STK26: variants seen among roughly 807,000 people sequenced by gnomAD.
STK26 encodes serine/threonine-protein kinase 26.
Under a neutral mutation model 34.7 loss-of-function variants are expected in STK26, and 14 were observed. The observed-to-expected ratio is 0.40, with a 90% CI of 0.27 to 0.63. STK26 has a LOEUF of 0.63. Among genes scored for constraint, STK26 ranks in the 30% least tolerant of loss-of-function variants. STK26 has a pLI of 0.38. For synonymous variants in STK26, 100 were observed against 109.8 expected (o/e 0.91, Z 0.56); for missense variants, 226 against 309.1 (o/e 0.73, Z 2.02).
At chrX:132,068,617 A>G in intron 6 of STK26, 48 bp downstream of exon 6, 1 of 1,117,075 alleles carries the variant, frequency 9.0e-7, no homozygotes, top group Non-Finnish European at 1.2e-6. Flanking sequence ...AATAAATTAT[A>G]TATGGCACAC....
chrX:132,042,651 A>G (rs777769802), intron 2 of STK26, among the ~76,000 whole-genome samples: 7 of 111,850 alleles, frequency 6.3e-5, no homozygotes, highest in Non-Finnish European at 1.1e-4. Context: ...CCTTGCACAC[A>G]TATACACACA....
At chrX:132,046,641 A>T (rs1173278970) in intron 2 of STK26, among the ~76,000 whole-genome samples, 1 of 112,042 alleles carries the variant, frequency 8.9e-6, no homozygotes, top group Non-Finnish European at 1.9e-5. Context: ...AGTATGAAAT[A>T]ATACTGTGTG....
intron 6 of STK26, 50 bp downstream of exon 6, chrX:132,068,619 A>G (rs1316885004): frequency 1.8e-6 from 2 of 1,100,513 alleles, no homozygotes; most frequent in Non-Finnish European, 1.2e-6. Context: ...TAAATTATAT[A>G]TGGCACACTA....
intron 4 of STK26, among the ~76,000 whole-genome samples, chrX:132,063,702 A>G (rs1927131822): frequency 8.9e-6 from 1 of 112,296 alleles, no homozygotes; most frequent in Non-Finnish European, 1.9e-5. Flanking sequence ...AGACTATATA[A>G]GAAATGCAAA....
intron 2 of STK26, among the ~76,000 whole-genome samples, chrX:132,029,599 ACTTT>A (rs1262963151): frequency 9.0e-6 from 1 of 110,539 alleles, no homozygotes; most frequent in Non-Finnish European, 1.9e-5. Context: ...AGCTTTCCAT[ACTTT>A]CTGTTATATG....
intron 7 of STK26, 88 bp downstream of exon 7, chrX:132,069,751 A>C (rs1486392029): frequency 1.7e-5 from 10 of 578,770 alleles, no homozygotes; most frequent in Non-Finnish European, 2.1e-5. Context: ...TAGGGAATAC[A>C]GTGTATGTGA....
chrX:132,053,787 T>A (rs1926765415), intron 2 of STK26, among the ~76,000 whole-genome samples: 1 of 112,043 alleles, frequency 8.9e-6, no homozygotes, highest in Admixed American at 9.5e-5. Flanking sequence ...TTTAAGTAAG[T>A]ATATAAAGTT....
At chrX:132,055,328 GTACT>G in intron 3 of STK26, 4 of 615,647 alleles carry the variant, frequency 6.5e-6, no homozygotes, top group Non-Finnish European at 9.9e-6. Context: ...ACCAGTCCTG[GTACT>G]TACATTCCTT....
chrX:132,027,958 C>T (rs1055123449), intron 2 of STK26, among the ~76,000 whole-genome samples: 53 of 108,206 alleles, frequency 4.9e-4, no homozygotes, highest in African/African-American at 1.7e-3. Context: ...TGGGTTCAAG[C>T]AATCCACCCA....
chrX:132,028,318 G>T (rs1488995709), intron 2 of STK26, among the ~76,000 whole-genome samples: 2 of 111,301 alleles, frequency 1.8e-5, no homozygotes, highest in Non-Finnish European at 3.8e-5. Context: ...TAAAGACTGT[G>T]GTGTTTAATA....
Position 132,069,638 on chromosome X carries a change from C to T in STK26, c.758C>T (p.Ala253Val). 8.8e-7 allele frequency: 1 copy of T among 1,136,919 alleles called. No individual in the cohort carries two copies. The highest frequency in any genetic ancestry group is 2.3e-5 in the South Asian group (1 of 44,272). 93.7% of individuals were successfully genotyped at this position (1,136,919 alleles called of 1,213,427 possible). A position where few individuals can be genotyped will look rare whatever the true frequency, so the allele number is the denominator to read the frequency against. ...AAGTCTTTTAAGGAGTTTATTGATGCTTGCCTGAACAAAGATCCATCATTT... is the reference window on the plus strand; with the variant it reads ...AAGTCTTTTAAGGAGTTTATTGATGTTTGCCTGAACAAAGATCCATCATTT... ...FTKSFKEFIDACLNKDPSFRP... is the reference protein window; with the variant it reads ...FTKSFKEFIDVCLNKDPSFRP... Residue 253 changes from alanine to valine, a missense_variant, in exon 7 of 12, where the codon GCT becomes GTT. Ala to Val is a moderately conservative substitution (Grantham distance 64, BLOSUM62 0). Transcript: ENST00000394334.
chrX:132,027,648 C>T (rs918532867), intron 2 of STK26, among the ~76,000 whole-genome samples: 12 of 111,080 alleles, frequency 1.1e-4, no homozygotes, highest in Non-Finnish European at 1.5e-4. Context: ...ATGATAAGGT[C>T]GGAAAACTGG....
At chrX:132,050,077 G>A (rs1166590708) in intron 2 of STK26, among the ~76,000 whole-genome samples, 2 of 110,907 alleles carry the variant, frequency 1.8e-5, no homozygotes, top group Non-Finnish European at 3.8e-5. Flanking sequence ...CTTTACCTTG[G>A]TTCTTTCCCA....
intron 11 of STK26, 139 bp downstream of exon 11, chrX:132,073,232 A>C: frequency 1.5e-6 from 1 of 658,405 alleles, no homozygotes; most frequent in Admixed American, 4.3e-5. Context: ...TGTATACTTA[A>C]AAATAGTTTT....
At chrX:132,044,860 T>G (rs62619091) in intron 2 of STK26, among the ~76,000 whole-genome samples, 1,279 of 77,996 alleles carry the variant, frequency 0.016, 75 homozygotes, top group African/African-American at 0.025. Flanking sequence ...TTTATATATA[T>G]AGAGAGAAAC....
chrX:132,042,091 G>A (rs1926287672), intron 2 of STK26, among the ~76,000 whole-genome samples: 1 of 110,990 alleles, frequency 9.0e-6, no homozygotes, highest in Non-Finnish European at 1.9e-5. Context: ...GTGTAAAAAC[G>A]GGTGAATTTG....
chrX:132,046,556 T>A (rs1207212153), intron 2 of STK26, among the ~76,000 whole-genome samples: 1 of 112,087 alleles, frequency 8.9e-6, no homozygotes, highest in African/African-American at 3.2e-5. Context: ...ACAATTAATT[T>A]TATTTCTGCC....
At chrX:132,045,094 G>A (rs144545499) in intron 2 of STK26, among the ~76,000 whole-genome samples, 2,660 of 108,003 alleles carry the variant, frequency 0.025, 42 homozygotes, top group Middle Eastern at 0.038. Flanking sequence ...GGATAGTCAC[G>A]TGTATATAAT....
chrX:132,028,972 T>C (rs1925722200), intron 2 of STK26, among the ~76,000 whole-genome samples: 1 of 112,397 alleles, frequency 8.9e-6, no homozygotes. Context: ...GAGTAGTTAA[T>C]GCAGAGGTGT....
Sources: allele counts gnomAD v4.1 joint callset (sites outside exome capture counted in the v4.1 genomes callset), GRCh38; gene constraint gnomAD v4.1.1; transcripts MANE v1.5; gene names NCBI Gene and HGNC (gene_info 2026-07-23, HGNC 2026-07-21).